Variants in CBR4 observed in about 807,000 individuals in gnomAD.
The protein encoded by CBR4 is carbonyl reductase 4, also known as 3-oxoacyl-[acyl-carrier-protein] reductase.
In CBR4, 22 loss-of-function variants were observed where a neutral mutation model predicts 21.0. That is an observed-to-expected ratio of 1.05 (90% CI 0.75 to 1.50). The LOEUF is 1.50. CBR4 is among the 40% of genes most tolerant of loss of function. CBR4 has a pLI of 0.00. For missense variants in CBR4, 302 were observed against 286.3 expected (o/e 1.05, Z -0.40); for synonymous variants, 100 against 104.4 (o/e 0.96, Z 0.26).
rs1179726260 is a variant in CBR4, at chr4:168,989,762, A to T, written c.*388T>A. 10 of 988,986 alleles carry T rather than the reference A, an allele frequency of 1.0e-5. No homozygotes were observed. Among genetic ancestry groups the T allele is most frequent in the Non-Finnish European group, 1.2e-5 (10 of 832,412 alleles). 61.3% of individuals were successfully genotyped at this position (988,986 alleles called of 1,614,324 possible). A position where few individuals can be genotyped will look rare whatever the true frequency, so the allele number is the denominator to read the frequency against. On this transcript the variant is annotated 3_prime_UTR_variant, in exon 5 of 5. Transcript: ENST00000306193. ...ACTTGCAAAATGTCTATACACTAAG[A>T]TTGCTACAGTCTATGAGGTAACCAA...
Position 168,927,344 on chromosome 4 carries a change from T to G in CBR4, n.170-32579A>C, listed in dbSNP as rs114351964. The G allele has an allele frequency of 8.3e-3, 1,924 of 232,568 alleles. 51 individuals carry two copies. Among genetic ancestry groups the G allele is most frequent in the African/African-American group, 0.039 (1,789 of 45,420 alleles). The allele number at this position is 232,568 out of a possible 1,614,324, so 14.4% of individuals were successfully genotyped here. A position where few individuals can be genotyped will look rare whatever the true frequency, so the allele number is the denominator to read the frequency against. On this transcript the variant is annotated intron_variant and non_coding_transcript_variant, in intron 2 of 3. Coordinates refer to the CBR4 transcript ENST00000509108. Reference sequence around the variant, plus strand: ...CTTCAAACATAGGTGAAAAAAACACTGCCATTCACAAGTCAAGGAACCCAG... The same window carrying G: ...CTTCAAACATAGGTGAAAAAAACACGGCCATTCACAAGTCAAGGAACCCAG...
Position 168,987,855 on chromosome 4 carries a change from C to G in CBR4, c.*2295G>C. On this transcript the variant is annotated 3_prime_UTR_variant, in exon 5 of 5. Transcript: ENST00000306193. ...TAATTATCTCCCTAAAAAGCAGTTA[C>G]AAACCATAAATTGAATATGAATAAA... 1.0e-6 allele frequency: 1 copy of G among 980,328 alleles called. No individual in the cohort carries two copies. Among genetic ancestry groups the G allele is most frequent in the Non-Finnish European group, 1.2e-6 (1 of 825,448 alleles). The allele number at this position is 980,328 out of a possible 1,614,324, so 60.7% of individuals were successfully genotyped here. A position where few individuals can be genotyped will look rare whatever the true frequency, so the allele number is the denominator to read the frequency against.
intron 4 of CBR4, among the ~76,000 whole-genome samples, chr4:168,991,500 C>A (rs1462967776): frequency 6.6e-6 from 1 of 152,104 alleles, no homozygotes; most frequent in Non-Finnish European, 1.5e-5. Context: ...CGGTCATATC[C>A]AATTCTGATA....
intron 2 of CBR4, among the ~76,000 whole-genome samples, chr4:168,920,395 T>C (rs150463339): frequency 3.9e-5 from 6 of 152,326 alleles, no homozygotes; most frequent in Non-Finnish European, 8.8e-5. Flanking sequence ...GTAGCAGGAA[T>C]GGAATTTGTG....
chr4:169,006,968 T>C, intron 2 of CBR4, 77 bp from the exon 3 acceptor site: 1 of 1,146,098 alleles, frequency 8.7e-7, no homozygotes, highest in Non-Finnish European at 1.3e-6. Context: ...TGTAACATTT[T>C]TACTGAGAGT....
rs1260580534 is a variant in CBR4 at position 168,989,514 on chromosome 4, C to G, written c.*636G>C. On this transcript the variant is annotated 3_prime_UTR_variant, in exon 5 of 5. Coordinates refer to ENST00000306193, the MANE Select transcript of CBR4 (RefSeq NM_032783.5). ...CTATGTTTTGCAACCTGTATAAAAA[C>G]TGATCACCCAAGCACATGCAAAAGG... 6 of 985,234 alleles carry G rather than the reference C, an allele frequency of 6.1e-6. No individual in the cohort carries two copies. Among genetic ancestry groups the G allele is most frequent in the African/African-American group, 1.7e-5 (1 of 57,222 alleles). 61.0% of individuals were successfully genotyped at this position (985,234 alleles called of 1,614,324 possible). A position where few individuals can be genotyped will look rare whatever the true frequency, so the allele number is the denominator to read the frequency against.
intron 2 of CBR4, among the ~76,000 whole-genome samples, chr4:168,945,717 A>T (rs138533389): frequency 7.0e-4 from 106 of 152,332 alleles, no homozygotes; most frequent in Admixed American, 3.7e-3. Context: ...ATGCTAGAGA[A>T]ACAACCATTT....
At chr4:168,935,522 C>G (rs918241382) in intron 2 of CBR4, among the ~76,000 whole-genome samples, 9 of 152,132 alleles carry the variant, frequency 5.9e-5, no homozygotes, top group African/African-American at 2.2e-4. Context: ...GCTTGAAATT[C>G]TCACTGCCAC....
At chr4:168,908,583 C>G (rs1244760555) in intron 2 of CBR4, among the ~76,000 whole-genome samples, 2 of 152,248 alleles carry the variant, frequency 1.3e-5, no homozygotes, top group Admixed American at 6.5e-5. Context: ...GAAGTTGACT[C>G]CTTACTTCCT....
rs987950670 is a variant in CBR4 at position 168,926,486 on chromosome 4, A to G, written n.170-31721T>C. 7.1e-6 allele frequency: 5 copies of G among 707,428 alleles called. No individual in the cohort carries two copies. The African/African-American group carries it at 1.1e-4, about 16-fold the overall frequency. 43.8% of individuals were successfully genotyped at this position (707,428 alleles called of 1,614,324 possible). A position where few individuals can be genotyped will look rare whatever the true frequency, so the allele number is the denominator to read the frequency against. ...AAAAGGCAGAAACATACCTTTGACT[A>G]TAAGAAATTAAAAAAAAAACACCAA... On this transcript the variant is annotated intron_variant and non_coding_transcript_variant, in intron 2 of 3. Coordinates refer to the CBR4 transcript ENST00000509108.
intron 2 of CBR4, among the ~76,000 whole-genome samples, chr4:168,932,417 C>T (rs980367604): frequency 2.0e-5 from 3 of 151,896 alleles, no homozygotes; most frequent in Admixed American, 2.0e-4. Flanking sequence ...TAAAGAAAGC[C>T]TACAGAATGT....
intron 2 of CBR4, chr4:168,896,444 C>T (rs1487438107): frequency 1.4e-5 from 10 of 715,130 alleles, no homozygotes; most frequent in Middle Eastern, 2.4e-4. Context: ...TACTACCAAA[C>T]GCATATTGCT....
chr4:168,962,394 G>C (rs9994025), intron 2 of CBR4, among the ~76,000 whole-genome samples: 103,297 of 152,110 alleles, frequency 0.68, 36,863 homozygotes, highest in East Asian at 0.96. Context: ...CAGGATGGAA[G>C]GGGTTAGAAG....
At chr4:168,996,548 TTATG>T (rs1203825178) in intron 4 of CBR4, among the ~76,000 whole-genome samples, 2 of 152,134 alleles carry the variant, frequency 1.3e-5, no homozygotes, top group Non-Finnish European at 2.9e-5. Flanking sequence ...TTTTATATAT[TTATG>T]TATTCATTTA....
rs746674324 is a variant in CBR4, at chr4:169,007,653, A to G, written c.246T>C (p.Asn82=). 1 of 1,583,334 alleles carries G rather than the reference A, an allele frequency of 6.3e-7. No individual in the cohort carries two copies. Among genetic ancestry groups the G allele is most frequent in the South Asian group, 1.2e-5 (1 of 85,008 alleles). The change falls in exon 2 of 5, where the codon AAT becomes AAC. Residue 82 remains asparagine, a synonymous_variant. Transcript: ENST00000306193. ...TGACCAACCTGTTAATACCAGCTGC[A>G]TTTACCAAGAAATTTACTCGACCTA... is the stretch of plus-strand genomic sequence containing the variant. ...KHLGRVNFLV[N]AAGINRDGLL...
At chr4:168,936,585 C>A (rs955035885) in intron 2 of CBR4, among the ~76,000 whole-genome samples, 1 of 152,094 alleles carries the variant, frequency 6.6e-6, no homozygotes, top group African/African-American at 2.4e-5. Context: ...TAGAGAAGAA[C>A]ATAAATGACC....
chr4:168,925,721 AATTT>A (rs1199832226), intron 2 of CBR4, among the ~76,000 whole-genome samples: 4 of 152,200 alleles, frequency 2.6e-5, no homozygotes, highest in African/African-American at 7.2e-5. Flanking sequence ...TTTATTTAAG[AATTT>A]ATTTCAGATT....
chr4:168,957,238 T>C (rs1763713935), intron 2 of CBR4, among the ~76,000 whole-genome samples: 3 of 152,136 alleles, frequency 2.0e-5, no homozygotes, highest in Admixed American at 1.3e-4. Flanking sequence ...AACATTCTTA[T>C]TTAGGCTAAA....
chr4:168,894,775 G>A, intron 2 of CBR4: 1 of 1,542,280 alleles, frequency 6.5e-7, no homozygotes, highest in East Asian at 2.4e-5. Flanking sequence ...TCTGTGGAAA[G>A]TAGAGGGCAA....
Sources: gnomAD v4.1 joint callset for allele counts (sites outside exome capture counted in the v4.1 genomes callset) on GRCh38, gnomAD v4.1.1 for gene constraint, MANE v1.5 for transcripts, NCBI Gene and HGNC (gene_info 2026-07-23, HGNC 2026-07-21) for gene names.